CRMP1: variants seen among roughly 807,000 people sequenced by gnomAD.
CRMP1 encodes the protein collapsin response mediator protein 1.
CRMP1 carries 19 observed loss-of-function variants against 68.3 expected under a neutral mutation model. That is an observed-to-expected ratio of 0.28 (90% confidence interval 0.19 to 0.41). The LOEUF is 0.41. Among genes scored for constraint, CRMP1 ranks in the 10% least tolerant of loss-of-function variants. The pLI, the probability that CRMP1 is intolerant of heterozygous loss-of-function variation, is 1.00. For missense variants in CRMP1, 791 were observed against 967.4 expected, an observed-to-expected ratio of 0.82 and a Z score of 2.42; for synonymous variants, 439 against 399.6, an observed-to-expected ratio of 1.10 and a Z score of -1.18.
chr4:5,857,163 A>G (rs1006833571), intron 3 of CRMP1, among the ~76,000 whole-genome samples: 2 of 149,504 alleles, frequency 1.3e-5, no homozygotes, highest in African/African-American at 5.0e-5. Context: ...ACTACCATCC[A>G]CTATCATCAC....
chr4:5,869,453 C>T (rs537432225), intron 1 of CRMP1, among the ~76,000 whole-genome samples: 3 of 152,104 alleles, frequency 2.0e-5, no homozygotes, highest in East Asian at 3.9e-4. Flanking sequence ...GAGGCCGAGG[C>T]AGGTGGATCA....
Position 5,841,917 on chromosome 4 carries a change from A to G in CRMP1, c.1033-489T>C, listed in dbSNP as rs1711761696. Reference sequence around the variant, plus strand: ...TCAACTTGGCCAGGCACGGTGGCTCACACCTGTAATCCCAGCACTTTGGGA... The same window carrying G: ...TCAACTTGGCCAGGCACGGTGGCTCGCACCTGTAATCCCAGCACTTTGGGA... On this transcript the variant is annotated intron_variant, in intron 7 of 13. Transcript: ENST00000324989. This position sits in a 1 kb window ranked among gnomAD's most constrained non-coding sequence, Gnocchi z 6.9. Among the ~76,000 whole-genome samples the G allele has an allele frequency of 6.6e-6, 1 of 152,216 alleles. No individual in the cohort carries two copies. Among genetic ancestry groups the G allele is most frequent in the Non-Finnish European group, 1.5e-5 (1 of 68,052 alleles).
Position 5,836,742 on chromosome 4 carries a change from CCTG to C in CRMP1, c.1452+20_1452+22del. The C allele has an allele frequency of 6.2e-7, 1 of 1,614,026 alleles. No homozygotes were observed. Among genetic ancestry groups the C allele is most frequent in the Non-Finnish European group, 8.5e-7 (1 of 1,179,936 alleles). On this transcript the variant is annotated intron_variant, in intron 10 of 13. Transcript: ENST00000324989. ...GCAGGTAGAGTGTTTCTAGAATGCT[CCTG>C]AGAAGAGATCCAGCCTTACCACCGC...
At chr4:5,844,598 G>T (rs77341800) in intron 6 of CRMP1, among the ~76,000 whole-genome samples, 19,564 of 152,204 alleles carry the variant, frequency 0.13, 1,349 homozygotes, top group South Asian at 0.18. Flanking sequence ...GAGAAGACCA[G>T]AGGAACAAAA....
Position 5,888,161 on chromosome 4 carries a change from C to T in CRMP1, c.381+4428G>A, listed in dbSNP as rs1715733545. The T allele has an allele frequency of 8.1e-7, 1 of 1,233,534 alleles. No individual in the cohort carries two copies. The highest frequency in any genetic ancestry group is 4.2e-5 in the Admixed American group (1 of 23,532). The allele number at this position is 1,233,534 out of a possible 1,614,324, so 76.4% of individuals were successfully genotyped here. On this transcript the variant is annotated intron_variant, in intron 1 of 13. Transcript: ENST00000324989. This position sits in a 1 kb window ranked among gnomAD's most constrained non-coding sequence, Gnocchi z 6.4. ...CCTGCCGGCGCCCCGTGGATCTGGA[C>T]CCTGCCGGGCGCCCACTCCCAGCCC...
chr4:5,821,677 T>C lies in CRMP1; in HGVS notation c.*83A>G. On this transcript the variant is annotated 3_prime_UTR_variant, in exon 14 of 14. Coordinates refer to ENST00000324989, the MANE Select transcript of CRMP1 (RefSeq NM_001014809.3). The surrounding 1 kb of genome is among the most constrained non-coding windows in gnomAD (Gnocchi z 4.4). Reference sequence around the variant, plus strand: ...TCCCTCCATCAGCACCAACTAAAACTGTGGGTTTCAAAAACACTGACAGGA... The same window carrying C: ...TCCCTCCATCAGCACCAACTAAAACCGTGGGTTTCAAAAACACTGACAGGA... The C allele has an allele frequency of 1.5e-6, 2 of 1,332,784 alleles. No individual in the cohort carries two copies. The highest frequency in any genetic ancestry group is 1.3e-5 in the South Asian group (1 of 74,732). 82.6% of individuals were successfully genotyped at this position (1,332,784 alleles called of 1,614,324 possible).
At chr4:5,823,946 G>C (rs537762707) in intron 13 of CRMP1, among the ~76,000 whole-genome samples, 1 of 152,238 alleles carries the variant, frequency 6.6e-6, no homozygotes, top group Non-Finnish European at 1.5e-5. Context: ...GAAAGCATCT[G>C]TGTTGTTGGT....
At chr4:5,863,730 C>T (rs1439813363) in intron 2 of CRMP1, among the ~76,000 whole-genome samples, 1 of 152,102 alleles carries the variant, frequency 6.6e-6, no homozygotes, top group African/African-American at 2.4e-5. Context: ...ATGAATCACA[C>T]AACAGCTGAA....
intron 11 of CRMP1, among the ~76,000 whole-genome samples, chr4:5,829,896 G>A (rs1720235902): frequency 6.6e-6 from 1 of 152,120 alleles, no homozygotes; most frequent in African/African-American, 2.4e-5. Context: ...GTGGAGTTGG[G>A]GGCCAAAGAG....
In CRMP1 at chr4:5,825,598, G is replaced by A; in HGVS notation, c.1865C>T (p.Ala622Val). The A allele has an allele frequency of 1.2e-6, 2 of 1,603,374 alleles. No homozygotes were observed. The highest frequency in any genetic ancestry group is 8.5e-7 in the Non-Finnish European group (1 of 1,176,714). ...AGCGGGAGTTGCATATTTGGGTGTA[G>A]CTGGTACCTCGTACACAGGACCGTC... ...MYDGPVYEVP[A>V]TPKYATPAPS... Residue 622 changes from alanine (A) to valine (V), a missense_variant, in exon 13 of 14, where the codon GCT (alanine) becomes GTT (valine). Coordinates refer to ENST00000324989, the MANE Select transcript of CRMP1 (RefSeq NM_001014809.3). This position sits in a 1 kb window ranked among gnomAD's most constrained non-coding sequence, Gnocchi z 4.4.
chr4:5,825,228 AGCACTG>A lies in CRMP1; in HGVS notation c.1969+260_1969+265del. 1.0e-6 allele frequency: 1 copy of A among 985,316 alleles called. No homozygotes were observed. The highest frequency in any genetic ancestry group is 1.2e-6 in the Non-Finnish European group (1 of 829,918). 61.0% of individuals were successfully genotyped at this position (985,316 alleles called of 1,614,324 possible). A position where few individuals can be genotyped will look rare whatever the true frequency, so the allele number is the denominator to read the frequency against. On this transcript the variant is annotated intron_variant, in intron 13 of 13. Transcript: ENST00000324989. This position sits in a 1 kb window ranked among gnomAD's most constrained non-coding sequence, Gnocchi z 4.4. ...GTGTCCCCAAATGTGTGTAAGGATG[AGCACTG>A]GGACAATTTTGGTACCTCTCTTTGT...
intron 1 of CRMP1, among the ~76,000 whole-genome samples, chr4:5,885,638 G>T (rs922660083): frequency 1.3e-5 from 2 of 152,122 alleles, no homozygotes; most frequent in Non-Finnish European, 1.5e-5. Flanking sequence ...CTCTCCTCCT[G>T]TCCCCTCTGT....
At chr4:5,829,487 T>C (rs1720194151) in intron 11 of CRMP1, among the ~76,000 whole-genome samples, 1 of 152,236 alleles carries the variant, frequency 6.6e-6, no homozygotes, top group Admixed American at 6.5e-5. Context: ...CTGCTTTTTA[T>C]TATTTTAAAA....
At chr4:5,863,001 T>C (rs1273193306) in intron 2 of CRMP1, among the ~76,000 whole-genome samples, 1 of 152,146 alleles carries the variant, frequency 6.6e-6, no homozygotes, top group Non-Finnish European at 1.5e-5. Flanking sequence ...TTTGTAGAGA[T>C]GGGATCTCCC....
At chr4:5,837,954 G>C (rs1720840755) in intron 9 of CRMP1, among the ~76,000 whole-genome samples, 1 of 152,194 alleles carries the variant, frequency 6.6e-6, no homozygotes, top group Admixed American at 6.5e-5. Flanking sequence ...TGAGGGATGG[G>C]GGAGACTGGC....
Position 5,888,730 on chromosome 4 carries a change from G to A in CRMP1, c.381+3859C>T. On this transcript the variant is annotated intron_variant, in intron 1 of 13. Coordinates refer to ENST00000324989, the MANE Select transcript of CRMP1 (RefSeq NM_001014809.3). This position sits in a 1 kb window ranked among gnomAD's most constrained non-coding sequence, Gnocchi z 6.4. ...CGATCCAGAGAGTATGGTTTTCAGG[G>A]CTCCTTTAAAAGAAAAAGACGGCGC... 4.2e-6 allele frequency: 3 copies of A among 707,400 alleles called. No homozygotes were observed. The highest frequency in any genetic ancestry group is 5.2e-6 in the Non-Finnish European group (3 of 576,354). The allele number at this position is 707,400 out of a possible 1,614,324, so 43.8% of individuals were successfully genotyped here.
At chr4:5,827,121 CCGATCCTATTGCTCCTG>C (rs1228716446) in intron 12 of CRMP1, among the ~76,000 whole-genome samples, 8 of 152,220 alleles carry the variant, frequency 5.3e-5, no homozygotes. Context: ...ATGGGACCCC[CCGATCCTATTGCTCCTG>C]CAAATTGCTG....
chr4:5,836,728 G>A (rs757298363), intron 10 of CRMP1, 37 bp downstream of exon 10: 2 of 1,613,930 alleles, frequency 1.2e-6, no homozygotes, highest in East Asian at 4.5e-5. Context: ...CAGGTAGAGT[G>A]TTTCTAGAAT....
At chr4:5,867,742 G>A (rs905598550) in intron 1 of CRMP1, among the ~76,000 whole-genome samples, 14 of 152,174 alleles carry the variant, frequency 9.2e-5, no homozygotes, top group African/African-American at 3.4e-4. Flanking sequence ...ACCTGCCATG[G>A]AAGCCAACCA....
Sources: allele counts gnomAD v4.1 joint callset (sites outside exome capture counted in the v4.1 genomes callset), GRCh38; gene constraint gnomAD v4.1.1; non-coding constraint Gnocchi (gnomAD v3.1); transcripts MANE v1.5; gene names NCBI Gene and HGNC (gene_info 2026-07-23, HGNC 2026-07-21).